FHIT: variants seen among roughly 807,000 people sequenced by gnomAD.
The protein encoded by FHIT is fragile histidine triad diadenosine triphosphatase.
Under a neutral mutation model 17.9 loss-of-function variants are expected in FHIT, and 19 were observed. The observed-to-expected ratio is 1.06, with a 90% CI of 0.74 to 1.56. FHIT has a LOEUF of 1.56. FHIT is among the 40% of genes most tolerant of loss of function. The probability of loss-of-function intolerance (pLI) is 0.00; values close to 1 mark genes in which losing one functional copy is unlikely to be tolerated. For missense variants in FHIT, 248 were observed against 189.2 expected, an observed-to-expected ratio of 1.31 and a Z score of -1.82; for synonymous variants, 81 against 69.7, an observed-to-expected ratio of 1.16 and a Z score of -0.81.
intron 4 of FHIT, among the ~76,000 whole-genome samples, chr3:60,613,346 GT>G (rs2038844026): frequency 6.6e-6 from 1 of 152,166 alleles, no homozygotes; most frequent in Admixed American, 6.5e-5. Flanking sequence ...GGATGGCCTG[GT>G]GATACACAGG....
rs766798163 is a variant in FHIT, at chr3:60,071,374, C to T, written c.104-57222G>A. On this transcript the variant is annotated intron_variant, in intron 5 of 9. Transcript: ENST00000492590. Reference sequence around the variant, plus strand: ...TTCTTTTACTTTTTATGGTGACTACCGGAAAAACTAAAATTACACAAGTGG... The same window carrying T: ...TTCTTTTACTTTTTATGGTGACTACTGGAAAAACTAAAATTACACAAGTGG... Among the ~76,000 whole-genome samples, 9 of 152,212 alleles carry T rather than the reference C, an allele frequency of 5.9e-5. No individual in the cohort carries two copies. The East Asian group carries it at 1.4e-3, about 23-fold the overall frequency.
chr3:60,588,013 T>C (rs2037961459), intron 4 of FHIT, among the ~76,000 whole-genome samples: 1 of 151,956 alleles, frequency 6.6e-6, no homozygotes, highest in Non-Finnish European at 1.5e-5. Flanking sequence ...GCTATTACCA[T>C]TTAAAAGCAG....
At chr3:59,810,217 T>C (rs1700360041) in intron 8 of FHIT, among the ~76,000 whole-genome samples, 1 of 152,070 alleles carries the variant, frequency 6.6e-6, no homozygotes, top group African/African-American at 2.4e-5. Flanking sequence ...GGAGCTGTCT[T>C]ACCACATGAA....
At chr3:60,940,442 A>G (rs1708363373) in intron 3 of FHIT, among the ~76,000 whole-genome samples, 2 of 152,190 alleles carry the variant, frequency 1.3e-5, no homozygotes, top group Non-Finnish European at 2.9e-5. Context: ...TTAATTCTCA[A>G]AATAAGAACT....
At chr3:60,719,132 T>C (rs2041753520) in intron 4 of FHIT, among the ~76,000 whole-genome samples, 1 of 152,186 alleles carries the variant, frequency 6.6e-6, no homozygotes, top group South Asian at 2.1e-4. Context: ...GAAAGAAAGA[T>C]GATGCTTATT....
chr3:60,291,203 C>T (rs942886714), intron 5 of FHIT, among the ~76,000 whole-genome samples: 1 of 151,902 alleles, frequency 6.6e-6, no homozygotes, highest in Admixed American at 6.6e-5. Flanking sequence ...AATGGGTTGC[C>T]GGTCCACAGG....
intron 5 of FHIT, among the ~76,000 whole-genome samples, chr3:60,281,671 T>C (rs990641404): frequency 1.4e-5 from 2 of 144,568 alleles, no homozygotes; most frequent in Non-Finnish European, 3.0e-5. Context: ...TTTACAAAAA[T>C]AAACTCAAAA....
chr3:60,004,829 A>C (rs776854688), intron 7 of FHIT, among the ~76,000 whole-genome samples: 3 of 152,128 alleles, frequency 2.0e-5, no homozygotes, highest in Non-Finnish European at 2.9e-5. Flanking sequence ...GTGAGGACTG[A>C]AGTAAGAATT....
chr3:60,260,657 T>C (rs1010080144), intron 5 of FHIT, among the ~76,000 whole-genome samples: 1 of 152,004 alleles, frequency 6.6e-6, no homozygotes, highest in African/African-American at 2.4e-5. Context: ...CTATCTTGAA[T>C]AGCGGCTGGG....
chr3:60,351,686 C>G (rs1233128213), intron 5 of FHIT, among the ~76,000 whole-genome samples: 5 of 152,186 alleles, frequency 3.3e-5, no homozygotes, highest in Non-Finnish European at 1.5e-5. Context: ...CCTATAGAAT[C>G]CTCCTATTAC....
intron 4 of FHIT, among the ~76,000 whole-genome samples, chr3:60,639,560 G>A (rs899555632): frequency 1.3e-5 from 2 of 152,116 alleles, no homozygotes; most frequent in Non-Finnish European, 2.9e-5. Context: ...GGACAAACTA[G>A]AAATAGACCA....
chr3:60,242,729 T>C (rs1173771738), intron 5 of FHIT, among the ~76,000 whole-genome samples: 8 of 152,034 alleles, frequency 5.3e-5, no homozygotes, highest in Non-Finnish European at 1.0e-4. Context: ...CCCCTTCTTC[T>C]CTCTTTCATT....
intron 8 of FHIT, among the ~76,000 whole-genome samples, chr3:59,786,606 G>A (rs1299761404): frequency 1.3e-5 from 2 of 152,204 alleles, no homozygotes; most frequent in Non-Finnish European, 2.9e-5. Context: ...GATGGAAATT[G>A]CCTGCAAATA....
chr3:60,527,622 C>A (rs1048915698), intron 5 of FHIT, among the ~76,000 whole-genome samples: 1 of 152,100 alleles, frequency 6.6e-6, no homozygotes, highest in African/African-American at 2.4e-5. Flanking sequence ...TCAGAAGTCA[C>A]TAAGGTTGGT....
chr3:59,880,396 CTA>C (rs1703360017), intron 8 of FHIT, among the ~76,000 whole-genome samples: 1 of 152,202 alleles, frequency 6.6e-6, no homozygotes, highest in Admixed American at 6.5e-5. Flanking sequence ...CCTTTGGTCT[CTA>C]TCAGCTTCAT....
intron 5 of FHIT, among the ~76,000 whole-genome samples, chr3:60,050,008 CTTAT>C (rs1701807847): frequency 6.6e-6 from 1 of 152,110 alleles, no homozygotes; most frequent in African/African-American, 2.4e-5. Context: ...AGCAGTGTTT[CTTAT>C]TTAAATATTC....
At chr3:60,077,736 AG>A (rs200279186) in intron 5 of FHIT, among the ~76,000 whole-genome samples, 4,760 of 68,626 alleles carry the variant, frequency 0.069, 113 homozygotes, top group Middle Eastern at 0.11. Context: ...ACACATATAT[AG>A]AGGGGGGGGG....
At chr3:60,199,672 T>C (rs1702807934) in intron 5 of FHIT, among the ~76,000 whole-genome samples, 2 of 152,150 alleles carry the variant, frequency 1.3e-5, no homozygotes, top group South Asian at 4.1e-4. Flanking sequence ...TTCTGTTATG[T>C]TTTTATCCTG....
intron 7 of FHIT, among the ~76,000 whole-genome samples, chr3:59,980,374 A>C (rs1446561418): frequency 6.6e-6 from 1 of 152,160 alleles, no homozygotes; most frequent in Non-Finnish European, 1.5e-5. Flanking sequence ...CTTCAAAACT[A>C]TGTATCTATG....
Sources: allele counts gnomAD v4.1 joint callset (sites outside exome capture counted in the v4.1 genomes callset), GRCh38; gene constraint gnomAD v4.1.1; transcripts MANE v1.5; gene names NCBI Gene and HGNC (gene_info 2026-07-23, HGNC 2026-07-21).